The following PTPRD variants were observed in gnomAD, a reference collection of about 807,000 sequenced individuals.
The protein encoded by PTPRD is protein tyrosine phosphatase receptor type D.
A neutral mutation model predicts 214.5 loss-of-function variants in PTPRD; 34 were observed. The observed-to-expected ratio is 0.16, with a 90% CI of 0.12 to 0.21. The LOEUF (loss-of-function observed/expected upper bound fraction) is 0.21. Ranked by LOEUF, PTPRD falls within the 10% of genes least tolerant of loss-of-function variation. The pLI, the probability that PTPRD is intolerant of heterozygous loss-of-function variation, is 1.00. For synonymous variants in PTPRD, 1,128 were observed against 845.7 expected (o/e 1.33, Z -5.79); for missense variants, 2,545 against 2,398.7 (o/e 1.06, Z -1.27).
chr9:9,315,260 C>T (rs925030570), intron 9 of PTPRD, among the ~76,000 whole-genome samples: 6 of 151,778 alleles, frequency 4.0e-5, no homozygotes, highest in African/African-American at 9.7e-5. Flanking sequence ...AGTATTTTCT[C>T]GTATTTGATA....
intron 2 of PTPRD, among the ~76,000 whole-genome samples, chr9:10,447,996 G>C (rs537287861): frequency 5.6e-4 from 83 of 147,874 alleles, no homozygotes; most frequent in African/African-American, 2.1e-3. Flanking sequence ...CACTGTGTGT[G>C]AGTGTGTGTG....
intron 12 of PTPRD, among the ~76,000 whole-genome samples, chr9:8,638,103 CTTT>C (rs963311950): frequency 8.7e-5 from 11 of 127,028 alleles, no homozygotes; most frequent in South Asian, 2.4e-4. Context: ...GCTGTTCCTT[CTTT>C]TTTTTTTTTT....
chr9:8,375,371 G>A (rs1196041648), intron 39 of PTPRD, among the ~76,000 whole-genome samples: 1 of 151,870 alleles, frequency 6.6e-6, no homozygotes, highest in Admixed American at 6.6e-5. Context: ...TACATAAAAC[G>A]ACTTCTTCCA....
chr9:9,780,874 C>G (rs918451912), intron 5 of PTPRD, among the ~76,000 whole-genome samples: 93 of 152,260 alleles, frequency 6.1e-4, no homozygotes, highest in African/African-American at 2.2e-3. Flanking sequence ...AACTATCAAG[C>G]CAAGACAAAG....
intron 36 of PTPRD, among the ~76,000 whole-genome samples, chr9:8,401,564 T>C (rs1406354997): frequency 2.6e-5 from 4 of 152,148 alleles, no homozygotes; most frequent in Non-Finnish European, 5.9e-5. Context: ...CTAGCCTAAA[T>C]AAAATGACTG....
intron 3 of PTPRD, among the ~76,000 whole-genome samples, chr9:10,053,096 G>C (rs1213888215): frequency 1.3e-5 from 2 of 152,070 alleles, no homozygotes; most frequent in African/African-American, 4.8e-5. Context: ...CAAATGTTTT[G>C]CCCTTGAGAT....
In PTPRD at chr9:8,320,215, C is replaced by T. The variant is rs543704201; in HGVS notation, c.5535-249G>A. On this transcript the variant is annotated intron_variant, in intron 44 of 45. Transcript: ENST00000381196. ...AGGTCTTTTCAATGGGGATTTATACCATTTTAGAAAGACCAAGGAAACATA... is the reference window on the plus strand; with the variant it reads ...AGGTCTTTTCAATGGGGATTTATACTATTTTAGAAAGACCAAGGAAACATA... Among the ~76,000 whole-genome samples, 14 of 152,042 alleles carry T rather than the reference C, an allele frequency of 9.2e-5. No individual in the cohort carries two copies. The South Asian group carries it at 2.9e-3, about 32-fold the overall frequency.
At chr9:9,542,406 G>A (rs1461277842) in intron 8 of PTPRD, among the ~76,000 whole-genome samples, 1 of 151,430 alleles carries the variant, frequency 6.6e-6, no homozygotes, top group Non-Finnish European at 1.5e-5. Flanking sequence ...TCTTATACAG[G>A]ACACAAAAGC....
intron 9 of PTPRD, among the ~76,000 whole-genome samples, chr9:9,224,968 TA>T (rs2099958491): frequency 6.6e-6 from 1 of 152,018 alleles, no homozygotes; most frequent in Admixed American, 6.6e-5. Context: ...GACTTCCTGT[TA>T]CTTTGGTGAA....
At chr9:9,596,751 A>C (rs1241514728) in intron 7 of PTPRD, among the ~76,000 whole-genome samples, 1 of 152,050 alleles carries the variant, frequency 6.6e-6, no homozygotes. Flanking sequence ...TGAAGGAGGC[A>C]ATGAATTGAA....
At chr9:9,310,483 T>C (rs1206560552) in intron 9 of PTPRD, among the ~76,000 whole-genome samples, 1 of 152,200 alleles carries the variant, frequency 6.6e-6, no homozygotes, top group Non-Finnish European at 1.5e-5. Context: ...TCCTCTGTTG[T>C]ATTTCTTTAA....
intron 7 of PTPRD, among the ~76,000 whole-genome samples, chr9:9,589,283 T>G (rs910371916): frequency 5.3e-5 from 8 of 151,980 alleles, no homozygotes; most frequent in African/African-American, 1.7e-4. Context: ...ATTTTATACA[T>G]TTCCTACATA....
At chr9:9,931,350 C>G (rs928069340) in intron 5 of PTPRD, among the ~76,000 whole-genome samples, 1 of 151,800 alleles carries the variant, frequency 6.6e-6, no homozygotes, top group African/African-American at 2.4e-5. Flanking sequence ...AGACAGTGGG[C>G]GCAGGTCAGT....
At chr9:8,628,605 A>G (rs56158447) in intron 14 of PTPRD, among the ~76,000 whole-genome samples, 15,132 of 147,380 alleles carry the variant, frequency 0.1, 974 homozygotes, top group South Asian at 0.15. Context: ...TTCCCAATGC[A>G]TATCAGGCCA....
intron 5 of PTPRD, among the ~76,000 whole-genome samples, chr9:9,808,353 T>G (rs1039745110): frequency 6.6e-5 from 10 of 152,176 alleles, no homozygotes; most frequent in Admixed American, 2.0e-4. Context: ...GAAAGGAACT[T>G]TGGAATTTCC....
At chr9:8,321,510 TATATATATATATATATAA>T (rs1563891515) in intron 44 of PTPRD, among the ~76,000 whole-genome samples, 10 of 125,760 alleles carry the variant, frequency 8.0e-5, no homozygotes, top group African/African-American at 3.0e-4. Context: ...TATATATATA[TATATATATATATATATAA>T]AAGGTATATG....
intron 9 of PTPRD, among the ~76,000 whole-genome samples, chr9:9,244,014 C>A (rs886840261): frequency 1.3e-5 from 2 of 152,162 alleles, no homozygotes; most frequent in African/African-American, 2.4e-5. Flanking sequence ...AGAGCCAAAT[C>A]ATGAGTGAAC....
At chr9:10,023,321 G>C (rs2096859048) in intron 4 of PTPRD, among the ~76,000 whole-genome samples, 1 of 152,130 alleles carries the variant, frequency 6.6e-6, no homozygotes, top group African/African-American at 2.4e-5. Context: ...CATTGGGAAA[G>C]GAACCTGGGC....
intron 11 of PTPRD, chr9:8,858,154 TG>T (rs951150404): frequency 1.8e-4 from 29 of 159,948 alleles, no homozygotes; most frequent in African/African-American, 5.8e-4. Flanking sequence ...CGCTCGCGGC[TG>T]GGGGGTCCGG....
Sources: gnomAD v4.1 joint callset for allele counts (sites outside exome capture counted in the v4.1 genomes callset) on GRCh38, gnomAD v4.1.1 for gene constraint, MANE v1.5 for transcripts, NCBI Gene and HGNC (gene_info 2026-07-23, HGNC 2026-07-21) for gene names.